Variants in PHF24 observed in about 807,000 individuals in gnomAD.
PHF24 encodes the protein PHD finger protein 24, also known as Galpha inhibitory interacting protein.
A neutral mutation model predicts 42.6 loss-of-function variants in PHF24; 25 were observed. That is an observed-to-expected ratio of 0.59 (90% CI 0.43 to 0.82). The LOEUF (loss-of-function observed/expected upper bound fraction) is 0.82. Among genes scored for constraint, PHF24 ranks in the 40% least tolerant of loss-of-function variants. The pLI is 0.00. For synonymous variants in PHF24, 185 were observed against 204.8 expected (o/e 0.90, Z 0.83); for missense variants, 470 against 538.1 (o/e 0.87, Z 1.25).
At chr9:34,854,192 ATCTAT>A in the PHF24 span, among the ~76,000 whole-genome samples, 28,566 of 69,590 alleles carry the variant, frequency 0.41, 3,023 homozygotes, top group East Asian at 0.59. Flanking sequence ...CTAGCAGTCT[ATCTAT>A]TTTTTTTTTT....
chr9:34,893,621 G>T, the PHF24 span, among the ~76,000 whole-genome samples: 1 of 151,712 alleles, frequency 6.6e-6, no homozygotes, highest in Non-Finnish European at 1.5e-5. Flanking sequence ...AAAGAAAAAA[G>T]AAAAGAAAAA....
the PHF24 span, among the ~76,000 whole-genome samples, chr9:34,791,063 A>G: frequency 6.6e-6 from 1 of 152,240 alleles, no homozygotes; most frequent in Non-Finnish European, 1.5e-5. Flanking sequence ...TAAAACCACT[A>G]GACGGTTGAG....
the PHF24 span, among the ~76,000 whole-genome samples, chr9:34,882,381 A>G: frequency 2.0e-5 from 3 of 152,110 alleles, no homozygotes; most frequent in Non-Finnish European, 2.9e-5. Flanking sequence ...GGCAGGAGAA[A>G]GAAATAAAGG....
the PHF24 span, among the ~76,000 whole-genome samples, chr9:34,680,464 G>A: frequency 1.3e-5 from 2 of 151,524 alleles, no homozygotes; most frequent in Non-Finnish European, 3.0e-5. Flanking sequence ...CGAGGCGGGT[G>A]GATCACGAGG....
intron 1 of PHF24, among the ~76,000 whole-genome samples, chr9:34,964,287 T>C (rs1180450842): frequency 6.6e-6 from 1 of 152,152 alleles, no homozygotes; most frequent in African/African-American, 2.4e-5. Flanking sequence ...AAGAATCAGA[T>C]TGAACCAGCT....
At chr9:34,858,376 GAGGGTAGGTCTGGCACCTGGGTCCAT>G in the PHF24 span, among the ~76,000 whole-genome samples, 3 of 152,190 alleles carry the variant, frequency 2.0e-5, no homozygotes, top group Admixed American at 2.0e-4. Flanking sequence ...GGTGCCTGCT[GAGGGTAGGTCTGGCACCTGGGTCCAT>G]AGGGTATGTC....
At chr9:34,786,155 T>A in the PHF24 span, among the ~76,000 whole-genome samples, 3 of 152,206 alleles carry the variant, frequency 2.0e-5, no homozygotes, top group Non-Finnish European at 4.4e-5. Context: ...ACTGGGGTCC[T>A]TTGGAGGACT....
the PHF24 span, chr9:34,727,886 A>G: frequency 1.3e-6 from 1 of 767,822 alleles, no homozygotes. Flanking sequence ...CAACCCTCTC[A>G]CCCAGTGTCC....
chr9:34,904,497 T>A, the PHF24 span, among the ~76,000 whole-genome samples: 1 of 152,092 alleles, frequency 6.6e-6, no homozygotes, highest in African/African-American at 2.4e-5. Context: ...GACTTTTGTT[T>A]TTAATTCTGT....
the PHF24 span, among the ~76,000 whole-genome samples, chr9:34,886,925 T>C: frequency 6.6e-6 from 1 of 152,066 alleles, no homozygotes; most frequent in South Asian, 2.1e-4. Context: ...AATGCCCAAA[T>C]TGTCTAAGCA....
At chr9:34,814,680 C>T in the PHF24 span, among the ~76,000 whole-genome samples, 5 of 152,194 alleles carry the variant, frequency 3.3e-5, no homozygotes, top group Admixed American at 2.0e-4. Flanking sequence ...GATCTTCTGC[C>T]AGCATTCATG....
At chr9:34,851,181 TTGTC>T in the PHF24 span, among the ~76,000 whole-genome samples, 3 of 152,150 alleles carry the variant, frequency 2.0e-5, no homozygotes, top group African/African-American at 7.2e-5. Context: ...GTCTTTTTGT[TTGTC>T]TGTGCCCTGC....
chr9:34,944,476 G>C, the PHF24 span, among the ~76,000 whole-genome samples: 1 of 152,368 alleles, frequency 6.6e-6, no homozygotes, highest in Admixed American at 6.5e-5. Flanking sequence ...TAGAGCCCCT[G>C]AGAGGGCCAG....
the PHF24 span, among the ~76,000 whole-genome samples, chr9:34,868,759 T>G: frequency 6.6e-6 from 1 of 152,172 alleles, no homozygotes; most frequent in South Asian, 2.1e-4. Flanking sequence ...TCCTTCTCTT[T>G]TTTTTTCCTT....
the PHF24 span, among the ~76,000 whole-genome samples, chr9:34,706,627 T>C: frequency 6.6e-6 from 1 of 152,140 alleles, no homozygotes; most frequent in Non-Finnish European, 1.5e-5. Context: ...ATAAATAATA[T>C]ATTGCATGCT....
the PHF24 span, among the ~76,000 whole-genome samples, chr9:34,721,817 C>T: frequency 5.0e-4 from 76 of 152,306 alleles, no homozygotes; most frequent in African/African-American, 1.6e-3. Context: ...AAATCTAACA[C>T]GCCTCATCTT....
At chr9:34,739,947 A>G in the PHF24 span, among the ~76,000 whole-genome samples, 6 of 152,074 alleles carry the variant, frequency 3.9e-5, no homozygotes, top group African/African-American at 1.2e-4. Context: ...CAGAGTAGCT[A>G]GATATAGAGT....
chr9:34,829,763 A>G, the PHF24 span, among the ~76,000 whole-genome samples: 25 of 152,352 alleles, frequency 1.6e-4, no homozygotes, highest in East Asian at 2.5e-3. Flanking sequence ...ACTGAACTAC[A>G]AGGAGAGTCA....
At chr9:34,841,331 G>T in the PHF24 span, among the ~76,000 whole-genome samples, 1 of 152,104 alleles carries the variant, frequency 6.6e-6, no homozygotes, top group Non-Finnish European at 1.5e-5. Context: ...TGTTTTAAGA[G>T]TGCCTCTTTT....
Sources: gnomAD v4.1 joint callset for allele counts (sites outside exome capture counted in the v4.1 genomes callset) on GRCh38, gnomAD v4.1.1 for gene constraint, MANE v1.5 for transcripts, NCBI Gene and HGNC (gene_info 2026-07-23, HGNC 2026-07-21) for gene names.